The following NATD1 variants were observed in gnomAD, a reference collection of about 807,000 sequenced individuals.
NATD1 encodes the protein protein NATD1.
NATD1 carries 9 observed loss-of-function variants against 12.0 expected under a neutral mutation model. That is an observed-to-expected ratio of 0.75 (90% CI 0.45 to 1.30). NATD1 has a LOEUF of 1.30. Among genes scored for constraint, NATD1 ranks in the 50% most tolerant of loss-of-function variants. The pLI is 0.00. For missense variants in NATD1, 148 were observed against 148.5 expected, an observed-to-expected ratio of 1.00 and a Z score of 0.02; for synonymous variants, 71 against 65.9, an observed-to-expected ratio of 1.08 and a Z score of -0.37.
rs1975308576 is a variant in NATD1, at chr17:21,244,480, A to T, written c.107-256T>A. On this transcript the variant is annotated intron_variant, in intron 1 of 2. Transcript: ENST00000611551. This position sits in a 1 kb window ranked among gnomAD's most constrained non-coding sequence, Gnocchi z 5.2. ...CATGCCTAGAACACTTGAGCCCCAC[A>T]TGAACCTTTGCTACTGCGTCAGTCC... Among the ~76,000 whole-genome samples, 1 of 152,090 alleles carries T rather than the reference A, an allele frequency of 6.6e-6. No homozygotes were observed. The highest frequency in any genetic ancestry group is 2.4e-5 in the African/African-American group (1 of 41,416).
chr17:21,247,192 C>T (rs950048080), intron 1 of NATD1, among the ~76,000 whole-genome samples: 6 of 152,226 alleles, frequency 3.9e-5, no homozygotes, highest in Non-Finnish European at 5.9e-5. Context: ...AGTGATCGCA[C>T]AGCTCAGCCA....
rs1259428943 is a variant in NATD1 at position 21,240,180 on chromosome 17, A to T, written c.*3133T>A. ...CTTTTGTGCCTGGAGGTGGCAGGGA[A>T]CTGTGGTGTGGGGGCTGGGCCAGCC... On this transcript the variant is annotated 3_prime_UTR_variant, in exon 3 of 3. Coordinates refer to ENST00000611551, the MANE Select transcript of NATD1 (RefSeq NM_152914.3). 6.6e-6 allele frequency: 1 copy of T among 152,418 alleles called. No individual in the cohort carries two copies. The highest frequency in any genetic ancestry group is 2.4e-5 in the African/African-American group (1 of 41,460). 9.4% of individuals were successfully genotyped at this position (152,418 alleles called of 1,614,324 possible).
Position 21,241,350 on chromosome 17 carries a change from G to C in NATD1, c.*1963C>G, listed in dbSNP as rs1173112875. The C allele has an allele frequency of 6.6e-6, 1 of 152,442 alleles. No individual in the cohort carries two copies. The highest frequency in any genetic ancestry group is 6.5e-5 in the Admixed American group (1 of 15,282). The allele number at this position is 152,442 out of a possible 1,614,324, so 9.4% of individuals were successfully genotyped here. A position where few individuals can be genotyped will look rare whatever the true frequency, so the allele number is the denominator to read the frequency against. ...TTGACTATGTGCTTGAACTTGGGGA[G>C]GGACGTGTAGATGGGAAGGGGGTGA... is the stretch of plus-strand genomic sequence containing the variant. On this transcript the variant is annotated 3_prime_UTR_variant, in exon 3 of 3. Coordinates refer to ENST00000611551, the MANE Select transcript of NATD1 (RefSeq NM_152914.3).
chr17:21,241,332 T>A lies in NATD1; in HGVS notation c.*1981A>T, dbSNP rs1305309725. On this transcript the variant is annotated 3_prime_UTR_variant, in exon 3 of 3. Coordinates refer to ENST00000611551, the MANE Select transcript of NATD1 (RefSeq NM_152914.3). Reference sequence around the variant, plus strand: ...GCTCCTGAGTGGTCATGATTGACTATGTGCTTGAACTTGGGGAGGGACGTG... The same window carrying A: ...GCTCCTGAGTGGTCATGATTGACTAAGTGCTTGAACTTGGGGAGGGACGTG... 1.3e-5 allele frequency: 2 copies of A among 152,438 alleles called. No homozygotes were observed. The highest frequency in any genetic ancestry group is 1.9e-4 in the East Asian group (1 of 5,198). 9.4% of individuals were successfully genotyped at this position (152,438 alleles called of 1,614,324 possible).
At chr17:21,252,405 C>A (rs1427872167) in intron 1 of NATD1, among the ~76,000 whole-genome samples, 1 of 152,216 alleles carries the variant, frequency 6.6e-6, no homozygotes, top group Admixed American at 6.5e-5. Flanking sequence ...ACTTACTAAT[C>A]CCCCATGAGC....
intron 1 of NATD1, among the ~76,000 whole-genome samples, chr17:21,245,705 C>T (rs1975319403): frequency 6.6e-6 from 1 of 152,218 alleles, no homozygotes; most frequent in Admixed American, 6.5e-5. Flanking sequence ...TCCACCGACA[C>T]ACCTGCTACT....
At position 21,244,123 on chromosome 17, in the gene NATD1, C is replaced by G; in HGVS notation, c.208G>C (p.Ala70Pro). The change falls in exon 2 of 3, where the codon GCC (alanine) becomes CCC (proline). Residue 70 changes from alanine to proline, a missense_variant. Transcript: ENST00000611551. The surrounding 1 kb of genome is among the most constrained non-coding windows in gnomAD (Gnocchi z 5.2). ...VPDAYRGRGI[A>P]KHLAKAALDF... ...TGCCCTACCTTGGCAAGGTGCTTGG[C>G]GATGCCACGCCCACGGTAGGCATCT... The G allele has an allele frequency of 1.2e-6, 2 of 1,612,140 alleles. No individual in the cohort carries two copies. The highest frequency in any genetic ancestry group is 1.7e-6 in the Non-Finnish European group (2 of 1,179,338).
rs1431754747 is a variant in NATD1 at position 21,244,757 on chromosome 17, G to GTTCCTGCC, written c.107-534_107-533insGGCAGGAA. On this transcript the variant is annotated intron_variant, in intron 1 of 2. Transcript: ENST00000611551. The surrounding 1 kb of genome is among the most constrained non-coding windows in gnomAD (Gnocchi z 5.2). ...CCTGTGGTAGAGTTCATGAGAAACT[G>GTTCCTGCC]ACGCTGGGCACAGGAGGCAGGAACA... Among the ~76,000 whole-genome samples, 8 of 152,244 alleles carry GTTCCTGCC rather than the reference G, an allele frequency of 5.3e-5. No homozygotes were observed. Among genetic ancestry groups the GTTCCTGCC allele is most frequent in the Non-Finnish European group, 1.5e-5 (1 of 68,050 alleles).
chr17:21,252,549 G>A (rs371419811), intron 1 of NATD1, among the ~76,000 whole-genome samples: 2 of 152,144 alleles, frequency 1.3e-5, no homozygotes, highest in African/African-American at 4.8e-5. Flanking sequence ...CAGTCCCAGA[G>A]CCACTGAAGT....
intron 1 of NATD1, 79 bp downstream of exon 1, chr17:21,253,080 G>C (rs1425382284): frequency 4.1e-6 from 3 of 725,512 alleles, no homozygotes; most frequent in East Asian, 1.2e-4. Flanking sequence ...GCGGGGGACA[G>C]GCACCCAGCA....
Position 21,244,780 on chromosome 17 carries a change from A to T in NATD1, c.107-556T>A, listed in dbSNP as rs1388349043. The stretch of plus-strand genomic sequence containing the variant: ...CTGACGCTGGGCACAGGAGGCAGGA[A>T]CAAACGGGTTTTCACACTCCACCAG... On this transcript the variant is annotated intron_variant, in intron 1 of 2. Coordinates refer to ENST00000611551, the MANE Select transcript of NATD1 (RefSeq NM_152914.3). The surrounding 1 kb of genome is among the most constrained non-coding windows in gnomAD (Gnocchi z 5.2). 5.3e-5 allele frequency among the ~76,000 whole-genome samples: 8 copies of T among 152,248 alleles called. No individual in the cohort carries two copies. The highest frequency in any genetic ancestry group is 1.5e-5 in the Non-Finnish European group (1 of 68,046).
At chr17:21,252,598 C>A (rs1037322628) in intron 1 of NATD1, among the ~76,000 whole-genome samples, 2 of 152,046 alleles carry the variant, frequency 1.3e-5, no homozygotes, top group Non-Finnish European at 2.9e-5. Context: ...CTCACTCCCC[C>A]CAGGGGACCA....
At chr17:21,251,886 G>A (rs1223373504) in intron 1 of NATD1, among the ~76,000 whole-genome samples, 1 of 152,184 alleles carries the variant, frequency 6.6e-6, no homozygotes, top group East Asian at 1.9e-4. Flanking sequence ...GGGCACAGTG[G>A]CCCCTAAGGA....
chr17:21,246,637 T>C (rs983079327), intron 1 of NATD1, among the ~76,000 whole-genome samples: 11 of 151,566 alleles, frequency 7.3e-5, no homozygotes, highest in African/African-American at 2.7e-4. Context: ...TAGTGAGATA[T>C]GATTGTTATC....
rs951792840 is a variant in NATD1, at chr17:21,246,909, T to G, written c.107-2685A>C. Among the ~76,000 whole-genome samples, 23 of 151,834 alleles carry G rather than the reference T, an allele frequency of 1.5e-4. 1 individual carries two copies. The highest frequency in any genetic ancestry group is 1.4e-3 in the Admixed American group (22 of 15,250). On this transcript the variant is annotated intron_variant, in intron 1 of 2. Coordinates refer to ENST00000611551, the MANE Select transcript of NATD1 (RefSeq NM_152914.3). ...TGAAGGAAGAGCAAGGAGGCCAGAG[T>G]GGCTGGGCCCAAACAAGCCGGGAGT...
In NATD1 at chr17:21,243,349, G is replaced by A; in HGVS notation, c.306C>T (p.Asn102=). 1.9e-6 allele frequency: 3 copies of A among 1,613,334 alleles called. No homozygotes were observed. The highest frequency in any genetic ancestry group is 1.3e-5 in the African/African-American group (1 of 75,064). The change falls in exon 3 of 3, where the codon AAC becomes AAT. Residue 102 remains asparagine, a synonymous_variant. Coordinates refer to ENST00000611551, the MANE Select transcript of NATD1 (RefSeq NM_152914.3). ...GGCGCTCCAGGTACTGCGGCAGGGGGTTCTCCTTGACGTACTTCTGGATGT... is the reference window on the plus strand; with the variant it reads ...GGCGCTCCAGGTACTGCGGCAGGGGATTCTCCTTGACGTACTTCTGGATGT... ...CWYIQKYVKE[N]PLPQYLERLQ...
At chr17:21,248,635 C>T (rs1403864574) in intron 1 of NATD1, among the ~76,000 whole-genome samples, 3 of 152,236 alleles carry the variant, frequency 2.0e-5, no homozygotes, top group African/African-American at 7.2e-5. Flanking sequence ...CTTCTGGGCA[C>T]TGTGGATCCT....
At chr17:21,252,137 C>T (rs1975381846) in intron 1 of NATD1, among the ~76,000 whole-genome samples, 1 of 152,122 alleles carries the variant, frequency 6.6e-6, no homozygotes, top group Non-Finnish European at 1.5e-5. Flanking sequence ...ATGGTGAAAG[C>T]CTGTCTCTAA....
chr17:21,252,725 G>A (rs1198641623), intron 1 of NATD1, among the ~76,000 whole-genome samples: 1 of 152,118 alleles, frequency 6.6e-6, no homozygotes, highest in Non-Finnish European at 1.5e-5. Flanking sequence ...GGTCACGGCT[G>A]ACCAACTTTC....
Sources: gnomAD v4.1 joint callset for allele counts (sites outside exome capture counted in the v4.1 genomes callset) on GRCh38, gnomAD v4.1.1 for gene constraint, Gnocchi (gnomAD v3.1) non-coding constraint, MANE v1.5 for transcripts, NCBI Gene and HGNC (gene_info 2026-07-23, HGNC 2026-07-21) for gene names.